The following RBMS3 variants were observed in gnomAD, a reference collection of about 807,000 sequenced individuals.
The protein encoded by RBMS3 is RNA-binding motif, single-stranded-interacting protein 3.
In RBMS3, 27 loss-of-function variants were observed where a neutral mutation model predicts 66.8. The ratio of observed to expected loss-of-function variants is 0.40; its 90% confidence interval spans 0.30 to 0.56. The LOEUF is 0.56. Ranked by LOEUF, RBMS3 falls within the 20% of genes least tolerant of loss-of-function variation. The pLI is 0.40. For synonymous variants in RBMS3, 188 were observed against 183.0 expected, an observed-to-expected ratio of 1.03 and a Z score of -0.22; for missense variants, 513 against 549.5, an observed-to-expected ratio of 0.93 and a Z score of 0.66.
chr3:29,357,122 A>C (rs1249042803), intron 1 of RBMS3, among the ~76,000 whole-genome samples: 2 of 152,120 alleles, frequency 1.3e-5, no homozygotes, highest in Non-Finnish European at 2.9e-5. Context: ...ATATGTATAC[A>C]TGTGACATGT....
In RBMS3 at chr3:29,632,033, G is replaced by A. The variant is rs1031614975; in HGVS notation, c.399+44828G>A. 6.6e-5 allele frequency among the ~76,000 whole-genome samples: 10 copies of A among 150,820 alleles called. No homozygotes were observed. In the East Asian group the frequency reaches 8.0e-4, roughly 12 times the overall value. ...AACACTTCCTTGCAAATGAATGACC[G>A]TTAGATTAGATACTTTCCTTATTCT... On this transcript the variant is annotated intron_variant, in intron 4 of 14. Transcript: ENST00000383767.
At chr3:29,809,095 TA>T (rs1193992875) in intron 6 of RBMS3, among the ~76,000 whole-genome samples, 1 of 151,968 alleles carries the variant, frequency 6.6e-6, no homozygotes, top group East Asian at 1.9e-4. Flanking sequence ...GTTTATTTCA[TA>T]ACAGTCAATG....
intron 1 of RBMS3, among the ~76,000 whole-genome samples, chr3:29,317,344 G>A (rs1316174040): frequency 1.3e-5 from 2 of 151,674 alleles, no homozygotes; most frequent in East Asian, 3.9e-4. Flanking sequence ...TTCTTTAGGA[G>A]ACTTACAGTA....
chr3:29,675,395 G>A (rs530435845), intron 4 of RBMS3, among the ~76,000 whole-genome samples: 3 of 152,120 alleles, frequency 2.0e-5, no homozygotes, highest in South Asian at 2.1e-4. Flanking sequence ...AACACCAAAA[G>A]CAATGGCAAA....
intron 2 of RBMS3, among the ~76,000 whole-genome samples, chr3:29,473,573 G>A (rs2125804332): frequency 6.6e-6 from 1 of 152,330 alleles, no homozygotes; most frequent in East Asian, 1.9e-4. Context: ...TCGTTGGGGA[G>A]GCTCGGGTGC....
intron 1 of RBMS3, among the ~76,000 whole-genome samples, chr3:29,430,956 G>A (rs2041161097): frequency 6.6e-6 from 1 of 152,184 alleles, no homozygotes; most frequent in Non-Finnish European, 1.5e-5. Flanking sequence ...AGATACACCA[G>A]GAAGCCACCT....
At position 29,486,102 on chromosome 3, in the gene RBMS3, G is replaced by A. The variant is rs369730800; in HGVS notation, c.249-2339G>A. Among the ~76,000 whole-genome samples the A allele has an allele frequency of 1.1e-4, 16 of 152,106 alleles. No individual in the cohort carries two copies. In the East Asian group the frequency reaches 2.1e-3, roughly 20 times the overall value. On this transcript the variant is annotated intron_variant, in intron 2 of 14. Transcript: ENST00000383767. ...TAGGTATATTACATTCGTGGGTCTC[G>A]TGTTTATGGTGGTTACGTCTTTAAA...
intron 7 of RBMS3, among the ~76,000 whole-genome samples, chr3:29,876,945 G>A (rs2059622710): frequency 6.6e-6 from 1 of 152,118 alleles, no homozygotes; most frequent in Non-Finnish European, 1.5e-5. Context: ...ACCATAATGT[G>A]GTCAGATTTG....
intron 8 of RBMS3, among the ~76,000 whole-genome samples, chr3:29,888,108 T>C (rs1386935366): frequency 6.6e-6 from 1 of 151,762 alleles, no homozygotes; most frequent in Non-Finnish European, 1.5e-5. Flanking sequence ...ACCTGAAATA[T>C]GAAATGTCTT....
chr3:29,887,951 T>C (rs2149586738), intron 8 of RBMS3, among the ~76,000 whole-genome samples: 1 of 151,930 alleles, frequency 6.6e-6, no homozygotes, highest in East Asian at 1.9e-4. Flanking sequence ...AGGTGAACTT[T>C]GGGCAGTGCA....
chr3:30,009,376 AG>A lies in RBMS3; in HGVS notation c.*5519del, dbSNP rs1473612689. On this transcript the variant is annotated 3_prime_UTR_variant, in exon 15 of 15. Transcript: ENST00000383767. ...TTTCTTATAAAGTATTAATTTCTTA[AG>A]GGGGTTTGAAATCATTGGTAAAATT... The A allele has an allele frequency of 5.9e-5, 9 of 152,136 alleles. No homozygotes were observed. Among genetic ancestry groups the A allele is most frequent in the African/African-American group, 2.2e-4 (9 of 41,432 alleles). 9.4% of individuals were successfully genotyped at this position (152,136 alleles called of 1,614,324 possible).
chr3:29,560,468 C>G (rs550327456), intron 3 of RBMS3, among the ~76,000 whole-genome samples: 14 of 152,306 alleles, frequency 9.2e-5, no homozygotes, highest in African/African-American at 3.4e-4. Context: ...CTTCCCAGCA[C>G]AAACATACAT....
At chr3:29,649,063 A>G (rs999453502) in intron 4 of RBMS3, among the ~76,000 whole-genome samples, 1 of 152,208 alleles carries the variant, frequency 6.6e-6, no homozygotes, top group Non-Finnish European at 1.5e-5. Context: ...TATGATTTTA[A>G]TAAGTATAAC....
At chr3:29,701,374 T>A (rs2052567610) in intron 4 of RBMS3, among the ~76,000 whole-genome samples, 1 of 152,086 alleles carries the variant, frequency 6.6e-6, no homozygotes, top group Non-Finnish European at 1.5e-5. Flanking sequence ...CTCACTGCAG[T>A]CTAGAGAATG....
chr3:29,921,286 A>G (rs141287495), intron 10 of RBMS3, among the ~76,000 whole-genome samples: 3,421 of 150,524 alleles, frequency 0.023, 135 homozygotes, highest in African/African-American at 0.079. Flanking sequence ...CTGGTCAGGA[A>G]CTCCTGACCT....
chr3:29,352,004 C>T (rs986940831), intron 1 of RBMS3, among the ~76,000 whole-genome samples: 14 of 151,924 alleles, frequency 9.2e-5, no homozygotes, highest in Non-Finnish European at 1.9e-4. Context: ...CCGTGTATAC[C>T]GATTTGAAAT....
At chr3:29,583,440 C>G (rs985121575) in intron 3 of RBMS3, among the ~76,000 whole-genome samples, 1 of 152,146 alleles carries the variant, frequency 6.6e-6, no homozygotes, top group Admixed American at 6.6e-5. Flanking sequence ...CAGTTAATCC[C>G]CATCATAATT....
At chr3:29,902,088 A>T (rs1451486657) in intron 10 of RBMS3, among the ~76,000 whole-genome samples, 2 of 151,898 alleles carry the variant, frequency 1.3e-5, no homozygotes. Flanking sequence ...TTGATGATTA[A>T]CAACATGGAT....
chr3:29,632,770 CT>C (rs2049330826), intron 4 of RBMS3, among the ~76,000 whole-genome samples: 1 of 151,846 alleles, frequency 6.6e-6, no homozygotes, highest in South Asian at 2.1e-4. Context: ...AAGAATGGAT[CT>C]TTGTGTTTTT....
Sources: allele counts gnomAD v4.1 joint callset (sites outside exome capture counted in the v4.1 genomes callset), GRCh38; gene constraint gnomAD v4.1.1; transcripts MANE v1.5; gene names NCBI Gene and HGNC (gene_info 2026-07-23, HGNC 2026-07-21).